The following ATR variants were observed in gnomAD, a reference collection of about 807,000 sequenced individuals.
ATR encodes the protein ATR checkpoint kinase, also known as serine/threonine-protein kinase ATR.
Under a neutral mutation model 305.3 loss-of-function variants are expected in ATR, and 142 were observed. The ratio of observed to expected loss-of-function variants is 0.47; its 90% CI spans 0.41 to 0.53. ATR has a LOEUF of 0.53. Ranked by LOEUF, ATR falls within the 20% of genes least tolerant of loss-of-function variation. The pLI, the probability that ATR is intolerant of heterozygous loss-of-function variation, is 0.00. For missense variants in ATR, 2,135 were observed against 3,133.1 expected, an observed-to-expected ratio of 0.68 and a Z score of 7.60; for synonymous variants, 1,050 against 1,068.1, an observed-to-expected ratio of 0.98 and a Z score of 0.33.
In ATR at chr3:142,457,595, G is replaced by A. The variant is rs1275009120; in HGVS notation, c.7655+9C>T. The A allele has an allele frequency of 3.1e-6, 5 of 1,613,768 alleles. No individual in the cohort carries two copies. The highest frequency in any genetic ancestry group is 4.2e-6 in the Non-Finnish European group (5 of 1,179,876). On this transcript the variant is annotated intron_variant, in intron 45 of 46. Coordinates refer to ENST00000350721, the MANE Select transcript of ATR (RefSeq NM_001184.4). ...ACTGTTAAATTATTTACAAAGTATA[G>A]GTGATTACCTCATTAAAGGCTCTCG...
chr3:142,550,637 A>G (rs1463346714), intron 13 of ATR, among the ~76,000 whole-genome samples: 1 of 152,242 alleles, frequency 6.6e-6, no homozygotes, highest in African/African-American at 2.4e-5. Context: ...AAAACAGTTT[A>G]CTATCACTAA....
At chr3:142,498,881 A>AT in intron 31 of ATR, 107 bp from the exon 32 acceptor site, 6 of 1,091,708 alleles carry the variant, frequency 5.5e-6, no homozygotes, top group Non-Finnish European at 6.7e-6. Flanking sequence ...AGGTGGCTTC[A>AT]TTCCTTTTTT....
chr3:142,473,651 C>T (rs544339261), intron 36 of ATR, among the ~76,000 whole-genome samples: 1 of 151,468 alleles, frequency 6.6e-6, no homozygotes, highest in East Asian at 1.9e-4. Context: ...GTTCCAGCAA[C>T]TCTCCTGCCT....
chr3:142,527,622 C>G (rs1282151186), intron 21 of ATR, among the ~76,000 whole-genome samples: 1 of 152,054 alleles, frequency 6.6e-6, no homozygotes, highest in African/African-American at 2.4e-5. Context: ...ATTAATTTTA[C>G]TGCTTTCTGT....
At position 142,499,704 on chromosome 3, in the gene ATR, T is replaced by C. The variant is rs763130593; in HGVS notation, c.5303A>G (p.Asp1768Gly). ...GVHANRSEWT[D>G]ELNTYRVEAA... The stretch of plus-strand genomic sequence containing the variant: ...TTCCACTCTGTACGTGTTTAATTCA[T>C]CTGTCCACTCGGACCTATTAAAAGA... The change falls in exon 31 of 47, where the codon GAT becomes GGT. Residue 1768 changes from aspartate to glycine, a missense_variant. This residue lies in a region of ATR where 117 missense variants were observed against 198.3 expected (regional missense o/e 0.59). Transcript: ENST00000350721. 35 of 1,614,038 alleles carry C rather than the reference T, an allele frequency of 2.2e-5. No homozygotes were observed. The Middle Eastern group carries it at 4.9e-4, about 23-fold the overall frequency.
intron 3 of ATR, among the ~76,000 whole-genome samples, chr3:142,564,843 C>G (rs1461153356): frequency 6.6e-6 from 1 of 152,048 alleles, no homozygotes; most frequent in Non-Finnish European, 1.5e-5. Flanking sequence ...TCTCTGCCTC[C>G]CAGGCTAAAG....
At chr3:142,534,404 G>A (rs1329980480) in intron 21 of ATR, among the ~76,000 whole-genome samples, 1 of 152,088 alleles carries the variant, frequency 6.6e-6, no homozygotes. Context: ...TCCTAAGTAA[G>A]TGCTTGCTTC....
At chr3:142,503,771 C>T (rs959830742) in intron 29 of ATR, among the ~76,000 whole-genome samples, 1 of 152,128 alleles carries the variant, frequency 6.6e-6, no homozygotes, top group Non-Finnish European at 1.5e-5. Flanking sequence ...GGACCCCCAT[C>T]AATGTCCTAA....
Position 142,485,439 on chromosome 3 carries a change from C to T in ATR, c.6079-157G>A, listed in dbSNP as rs1019286098. Among the ~76,000 whole-genome samples the T allele has an allele frequency of 5.3e-5, 8 of 152,160 alleles. No individual in the cohort carries two copies. In the East Asian group the frequency reaches 7.7e-4, roughly 15 times the overall value. On this transcript the variant is annotated intron_variant, in intron 35 of 46. Coordinates refer to ENST00000350721, the MANE Select transcript of ATR (RefSeq NM_001184.4). ...AATCTTTGATGTGGAAAAGGAATAG[C>T]TAACTTCTTGTAAAGGTTTTCTCAG...
Position 142,562,313 on chromosome 3 carries a change from A to T in ATR, c.1089T>A (p.Ser363=). ...CATAGACCTTCCTGACTTGTAAAGC[A>T]GATTCATACCCAGCTGGCACAAATT... ...FLKFVPAGYE[S]ALQVRKVYVR... Residue 363 remains serine, a synonymous_variant, in exon 4 of 47, where the codon TCT becomes TCA. Transcript: ENST00000350721. 6.2e-7 allele frequency: 1 copy of T among 1,614,160 alleles called. No homozygotes were observed. The highest frequency in any genetic ancestry group is 8.5e-7 in the Non-Finnish European group (1 of 1,179,986).
chr3:142,573,812 T>A (rs2035352078), intron 1 of ATR, among the ~76,000 whole-genome samples: 1 of 152,196 alleles, frequency 6.6e-6, no homozygotes, highest in African/African-American at 2.4e-5. Context: ...ACAGCACATC[T>A]CAATTTAGAC....
intron 35 of ATR, among the ~76,000 whole-genome samples, chr3:142,491,057 A>T (rs1227513818): frequency 1.3e-5 from 2 of 152,218 alleles, no homozygotes; most frequent in East Asian, 3.9e-4. Flanking sequence ...ATATTTACAG[A>T]GTTGTGTAAC....
Position 142,554,071 on chromosome 3 carries a change from C to A in ATR, c.2342-56G>T, listed in dbSNP as rs117840976. The A allele has an allele frequency of 4.4e-4, 613 of 1,405,762 alleles. 9 individuals carry two copies. The East Asian group carries it at 0.013, about 30-fold the overall frequency. The allele number at this position is 1,405,762 out of a possible 1,614,324, so 87.1% of individuals were successfully genotyped here. ...TAACATATTAAATGTCAAGGTTGTA[C>A]TGTAAAAATATTGTCAACAAATAAT... On this transcript the variant is annotated intron_variant, in intron 10 of 46. Coordinates refer to ENST00000350721, the MANE Select transcript of ATR (RefSeq NM_001184.4).
intron 30 of ATR, among the ~76,000 whole-genome samples, chr3:142,500,454 T>G (rs908207081): frequency 8.2e-4 from 125 of 152,174 alleles, no homozygotes; most frequent in African/African-American, 2.8e-3. Context: ...TCTTTTTTAT[T>G]AATCATACTT....
intron 18 of ATR, among the ~76,000 whole-genome samples, chr3:142,540,086 T>C (rs1264138916): frequency 1.3e-5 from 2 of 152,068 alleles, no homozygotes; most frequent in East Asian, 3.8e-4. Context: ...AACCTAAATC[T>C]AATCAAGCAT....
At chr3:142,563,543 T>C (rs2108489571) in intron 3 of ATR, among the ~76,000 whole-genome samples, 1 of 152,318 alleles carries the variant, frequency 6.6e-6, no homozygotes, top group East Asian at 1.9e-4. Context: ...GCAAACTTAA[T>C]GGATAAATGT....
chr3:142,455,086 C>G (rs2070876620), intron 45 of ATR, among the ~76,000 whole-genome samples: 2 of 151,862 alleles, frequency 1.3e-5, no homozygotes. Flanking sequence ...GATACAATAT[C>G]AATATATAAA....
intron 40 of ATR, 142 bp downstream of exon 40, chr3:142,466,182 T>C: frequency 2.1e-6 from 2 of 969,886 alleles, no homozygotes; most frequent in South Asian, 3.2e-5. Context: ...ACAAATGAGT[T>C]TAGTTTTACT....
chr3:142,457,268 A>T (rs1413642342), intron 45 of ATR, among the ~76,000 whole-genome samples: 1 of 152,162 alleles, frequency 6.6e-6, no homozygotes, highest in Non-Finnish European at 1.5e-5. Context: ...AAATATTATA[A>T]ATGAGTGGTT....
Sources: allele counts gnomAD v4.1 joint callset (sites outside exome capture counted in the v4.1 genomes callset), GRCh38; gene constraint gnomAD v4.1.1; regional missense constraint gnomAD v4.1.1; transcripts MANE v1.5; gene names NCBI Gene and HGNC (gene_info 2026-07-23, HGNC 2026-07-21).